Variants in SPATA1 observed in about 807,000 individuals in gnomAD.
SPATA1 encodes the protein spermatogenesis-associated protein 1.
A neutral mutation model predicts 59.6 loss-of-function variants in SPATA1; 57 were observed. That is an observed-to-expected ratio of 0.96 (90% CI 0.77 to 1.19). SPATA1 has a LOEUF of 1.19. Ranked by LOEUF, SPATA1 falls within the 50% of genes most tolerant of loss-of-function variation. SPATA1 has a pLI of 0.00. For synonymous variants in SPATA1, 147 were observed against 163.9 expected (o/e 0.90, Z 0.79); for missense variants, 448 against 480.7 (o/e 0.93, Z 0.64).
Position 84,522,551 on chromosome 1 carries a change from C to T in SPATA1, c.261+44C>T. 3.0e-6 allele frequency: 3 copies of T among 990,216 alleles called. No homozygotes were observed. In the South Asian group the frequency reaches 6.1e-5, roughly 20 times the overall value. 61.3% of individuals were successfully genotyped at this position (990,216 alleles called of 1,614,324 possible). On this transcript the variant is annotated intron_variant, in intron 4 of 12. Transcript: ENST00000490879. ...TCTTTCTGATTGAGAAAGACCATAC[C>T]TTCTCAAATTACATTTCTTAAATGC...
intron 3 of SPATA1, 143 bp downstream of exon 3, chr1:84,520,834 C>T: frequency 1.6e-6 from 1 of 633,894 alleles, no homozygotes; most frequent in Non-Finnish European, 2.7e-6. Context: ...TTAATGAATA[C>T]TATCAATATA....
chr1:84,529,365 A>G (rs1315411146), intron 6 of SPATA1, among the ~76,000 whole-genome samples: 1 of 152,080 alleles, frequency 6.6e-6, no homozygotes, highest in Non-Finnish European at 1.5e-5. Flanking sequence ...AGTCAAACAC[A>G]GTGCCTAGAC....
Position 84,532,492 on chromosome 1 carries a change from T to C in SPATA1, c.545-368T>C, listed in dbSNP as rs138085003. Among the ~76,000 whole-genome samples, 284 of 150,866 alleles carry C rather than the reference T, an allele frequency of 1.9e-3. 3 individuals carry two copies. The highest frequency in any genetic ancestry group is 3.0e-3 in the Admixed American group (45 of 15,202). On this transcript the variant is annotated intron_variant, in intron 6 of 12. Coordinates refer to ENST00000490879, the Ensembl canonical transcript of SPATA1. ...GCCTGGGCGACAGAGCAAGTCTCTA[T>C]CTCAAAAAAAAAAAATTATATTTCA...
chr1:84,525,860 T>G, exon 6 of SPATA1: 1 of 1,611,610 alleles, frequency 6.2e-7, no homozygotes, highest in Non-Finnish European at 8.5e-7. Context: ...TCAACCAGAA[T>G]TATATTTGCT....
chr1:84,537,890 T>C (rs1294073170), intron 8 of SPATA1, among the ~76,000 whole-genome samples: 2 of 152,198 alleles, frequency 1.3e-5, no homozygotes, highest in Admixed American at 1.3e-4. Flanking sequence ...GAATGTATAC[T>C]TTGAAGGACT....
At chr1:84,520,555 T>C in intron 2 of SPATA1, 30 bp from the exon 3 acceptor site, 2 of 1,316,754 alleles carry the variant, frequency 1.5e-6, no homozygotes, top group Non-Finnish European at 2.1e-6. Flanking sequence ...TTAAAAATAT[T>C]TTAACCGATG....
intron 4 of SPATA1, among the ~76,000 whole-genome samples, chr1:84,523,792 A>T (rs964081541): frequency 6.6e-6 from 1 of 152,170 alleles, no homozygotes; most frequent in Admixed American, 6.5e-5. Context: ...AGCAGGCAAG[A>T]AAATGAACAA....
chr1:84,551,457 T>G (rs577481759), intron 12 of SPATA1: 1 of 258,234 alleles, frequency 3.9e-6, no homozygotes, highest in Non-Finnish European at 6.0e-6. Flanking sequence ...ATGCCTGCAC[T>G]GTCAGATTGG....
intron 4 of SPATA1, among the ~76,000 whole-genome samples, chr1:84,560,097 A>AAAGAAAGAAAGAAAG: frequency 1.7e-5 from 2 of 114,720 alleles, no homozygotes; most frequent in East Asian, 5.0e-4. Context: ...AAAAAAAAAA[A>AAAGAAAGAAAGAAAG]AAAGAAAGAA....
exon 13 of SPATA1, chr1:84,553,939 A>G (rs1558619906): frequency 1.3e-5 from 2 of 152,202 alleles, no homozygotes; most frequent in Admixed American, 6.5e-5. Context: ...TTTGTATAAA[A>G]TTGATCTTTT....
At chr1:84,529,576 C>CTTTTTTTTTTT (rs761561650) in intron 6 of SPATA1, among the ~76,000 whole-genome samples, 2 of 91,366 alleles carry the variant, frequency 2.2e-5, no homozygotes, top group Non-Finnish European at 4.0e-5. Context: ...GGTAATATGC[C>CTTTTTTTTTTT]TTTTTTTTTT....
At chr1:84,555,205 T>C (rs1570463179), downstream of SPATA1, 4 of 1,592,654 alleles carry the variant, frequency 2.5e-6, no homozygotes, top group South Asian at 1.1e-5. Flanking sequence ...GGATCCTATA[T>C]AAATAAATTA....
intron 10 of SPATA1, 123 bp from the exon 11 acceptor site, chr1:84,548,661 AAG>A: frequency 8.5e-7 from 1 of 1,176,712 alleles, no homozygotes; most frequent in Non-Finnish European, 1.1e-6. Flanking sequence ...AGAGGAGAGA[AAG>A]AGGAAAATGG....
At chr1:84,553,118 C>A in exon 13 of SPATA1, 1 of 1,469,988 alleles carries the variant, frequency 6.8e-7, no homozygotes, top group Non-Finnish European at 9.1e-7. Flanking sequence ...TCTACAATCT[C>A]AATTAGGTAT....
chr1:84,519,497 C>T (rs1051194894), intron 2 of SPATA1, among the ~76,000 whole-genome samples: 1 of 151,658 alleles, frequency 6.6e-6, no homozygotes, highest in African/African-American at 2.4e-5. Context: ...AAACAGTTTC[C>T]TCCTGTAAAA....
chr1:84,562,069 G>C (rs1684606156), intron 4 of SPATA1, among the ~76,000 whole-genome samples: 2 of 152,112 alleles, frequency 1.3e-5, no homozygotes. Flanking sequence ...AGAACTGCAT[G>C]TTTCTAAGAA....
intron 10 of SPATA1, among the ~76,000 whole-genome samples, 157 bp from the exon 11 acceptor site, chr1:84,548,629 C>T (rs1055805659): frequency 6.7e-6 from 1 of 148,418 alleles, no homozygotes; most frequent in Admixed American, 6.8e-5. Context: ...GTCTAATGAC[C>T]TCAGTATATA....
exon 13 of SPATA1, chr1:84,553,203 T>C (rs1684330382): frequency 1.3e-6 from 1 of 785,748 alleles, no homozygotes; most frequent in South Asian, 2.0e-5. Context: ...TTATTCTCCT[T>C]GGCAATGTTT....
At chr1:84,512,183 G>A (rs145219712) in intron 1 of SPATA1, among the ~76,000 whole-genome samples, 1 of 152,308 alleles carries the variant, frequency 6.6e-6, no homozygotes, top group African/African-American at 2.4e-5. Flanking sequence ...CCCATCATCT[G>A]TCATAAAGTT....
Sources: allele counts gnomAD v4.1 joint callset (sites outside exome capture counted in the v4.1 genomes callset), GRCh38; gene constraint gnomAD v4.1.1; transcripts MANE v1.5; gene names NCBI Gene and HGNC (gene_info 2026-07-23, HGNC 2026-07-21).